The following FEZ2 variants were observed in gnomAD, a reference collection of about 807,000 sequenced individuals.
FEZ2 encodes fasciculation and elongation protein zeta 2.
In FEZ2, 51 loss-of-function variants were observed where a neutral mutation model predicts 40.4. The ratio of observed to expected loss-of-function variants is 1.26; its 90% CI spans 1.01 to 1.59. The LOEUF (loss-of-function observed/expected upper bound fraction) is 1.59. FEZ2 is among the 40% of genes most tolerant of loss of function. The pLI is 0.00. For synonymous variants in FEZ2, 242 were observed against 172.0 expected, an observed-to-expected ratio of 1.41 and a Z score of -3.18; for missense variants, 640 against 438.3, an observed-to-expected ratio of 1.46 and a Z score of -4.11.
At chr2:36,596,029 T>C (rs563642058) in intron 1 of FEZ2, among the ~76,000 whole-genome samples, 2 of 152,374 alleles carry the variant, frequency 1.3e-5, no homozygotes, top group South Asian at 2.1e-4. Context: ...GAATGTGTCC[T>C]GGGTTTAGTG....
rs542366721 is a variant in FEZ2, at chr2:36,573,287, AT to A, written c.903+5309del. 1.8e-4 allele frequency among the ~76,000 whole-genome samples: 27 copies of A among 152,340 alleles called. 1 individual carries two copies. In the South Asian group the frequency reaches 5.0e-3, roughly 28 times the overall value. ...TTCATACATATAAGTTTACTAAGTT[AT>A]GATGCTAAGCAGGTAGGCCATAATG... On this transcript the variant is annotated intron_variant, in intron 5 of 7. Transcript: ENST00000405912.
At chr2:36,555,819 C>T (rs1236679829) in intron 6 of FEZ2, 71 bp from the exon 7 acceptor site, 4 of 882,232 alleles carry the variant, frequency 4.5e-6, no homozygotes, top group Non-Finnish European at 7.0e-6. Flanking sequence ...TAATTTCAAT[C>T]ATTGTGGCCT....
intron 5 of FEZ2, among the ~76,000 whole-genome samples, chr2:36,563,447 T>C (rs1668145282): frequency 6.6e-6 from 1 of 151,286 alleles, no homozygotes; most frequent in Non-Finnish European, 1.5e-5. Context: ...ATGTGCAGCA[T>C]GTACAGTTCA....
chr2:36,560,979 T>C, intron 5 of FEZ2: 2 of 553,610 alleles, frequency 3.6e-6, no homozygotes, highest in Non-Finnish European at 6.4e-6. Flanking sequence ...AGTTAGAAAA[T>C]GCCACTACTC....
chr2:36,567,874 AG>A (rs1668292588), intron 5 of FEZ2, among the ~76,000 whole-genome samples: 1 of 152,230 alleles, frequency 6.6e-6, no homozygotes, highest in Non-Finnish European at 1.5e-5. Context: ...CAGTGAGACC[AG>A]GAAGAAACAG....
intron 2 of FEZ2, among the ~76,000 whole-genome samples, chr2:36,588,665 A>G (rs1668978634): frequency 6.6e-6 from 1 of 152,198 alleles, no homozygotes; most frequent in East Asian, 1.9e-4. Flanking sequence ...TAAATGGTTT[A>G]TAGTTATATT....
intron 5 of FEZ2, among the ~76,000 whole-genome samples, chr2:36,573,329 A>G (rs1037468772): frequency 5.3e-5 from 8 of 152,246 alleles, no homozygotes; most frequent in East Asian, 3.8e-4. Flanking sequence ...ACAACTGCAG[A>G]TAACACTAGA....
intron 1 of FEZ2, among the ~76,000 whole-genome samples, chr2:36,593,641 G>A (rs556873268): frequency 4.6e-5 from 7 of 152,134 alleles, no homozygotes; most frequent in South Asian, 4.1e-4. Context: ...TCCCTAGGCC[G>A]CATACAGCAG....
At chr2:36,586,175 G>C (rs1055572917) in intron 2 of FEZ2, among the ~76,000 whole-genome samples, 6 of 152,064 alleles carry the variant, frequency 3.9e-5, no homozygotes, top group African/African-American at 1.4e-4. Flanking sequence ...GATCACAAAG[G>C]CATGTCGATA....
intron 4 of FEZ2, among the ~76,000 whole-genome samples, chr2:36,580,774 C>A (rs1043474401): frequency 1.3e-5 from 2 of 152,134 alleles, no homozygotes; most frequent in East Asian, 3.8e-4. Flanking sequence ...CAGAATGTTA[C>A]AGTATATGGT....
At position 36,583,377 on chromosome 2, in the gene FEZ2, A is replaced by C. The variant is rs772834464; in HGVS notation, c.468T>G (p.Asp156Glu). 4 of 1,592,826 alleles carry C rather than the reference A, an allele frequency of 2.5e-6. No homozygotes were observed. Among genetic ancestry groups the C allele is most frequent in the East Asian group, 2.2e-5 (1 of 44,752 alleles). ...MHSIIVSCVN[D>E]EPLFTADQVI... ...CCTGGTCTGCCGTGAAGAGGGGTTC[A>C]TCATTAACACAGGAGACGATGATTG... Residue 156 changes from aspartate to glutamate, a missense_variant, in exon 3 of 8, where the codon GAT becomes GAG. Transcript: ENST00000405912.
At chr2:36,585,671 A>G (rs576640868) in intron 2 of FEZ2, among the ~76,000 whole-genome samples, 53 of 152,362 alleles carry the variant, frequency 3.5e-4, no homozygotes, top group African/African-American at 1.2e-3. Flanking sequence ...AGAAAAAGAG[A>G]AAATGTAAAC....
At chr2:36,560,865 G>C in intron 5 of FEZ2, 1 of 1,599,842 alleles carries the variant, frequency 6.3e-7, no homozygotes, top group Non-Finnish European at 8.6e-7. Flanking sequence ...ATGCTGAAGC[G>C]CTAAAGGCGG....
chr2:36,563,585 A>T (rs1445827011), intron 5 of FEZ2, among the ~76,000 whole-genome samples: 2 of 151,540 alleles, frequency 1.3e-5, no homozygotes, highest in East Asian at 1.9e-4. Flanking sequence ...CTTCAGTTGC[A>T]ATCAACTCCT....
chr2:36,560,191 A>AT (rs1668055998), intron 5 of FEZ2, among the ~76,000 whole-genome samples: 2 of 152,238 alleles, frequency 1.3e-5, no homozygotes, highest in Non-Finnish European at 2.9e-5. Flanking sequence ...TAAAAAGCAA[A>AT]TTGCTAGATA....
chr2:36,594,235 C>T (rs1449951635), intron 1 of FEZ2, among the ~76,000 whole-genome samples: 1 of 152,058 alleles, frequency 6.6e-6, no homozygotes, highest in African/African-American at 2.4e-5. Context: ...TCTTCTGAGC[C>T]CTTCAAACTA....
At chr2:36,553,317 T>C (rs1667869889) in intron 7 of FEZ2, 138 bp from the exon 8 acceptor site, 2 of 676,070 alleles carry the variant, frequency 3.0e-6, no homozygotes, top group African/African-American at 3.7e-5. Flanking sequence ...GTAGCAATTT[T>C]TTAAAGGTTT....
intron 5 of FEZ2, among the ~76,000 whole-genome samples, chr2:36,577,366 T>G (rs1227113205): frequency 6.6e-6 from 1 of 152,058 alleles, no homozygotes; most frequent in Non-Finnish European, 1.5e-5. Context: ...CAAGCAATTC[T>G]CCTGCCTCAG....
intron 5 of FEZ2, among the ~76,000 whole-genome samples, chr2:36,569,452 A>G (rs1441254148): frequency 1.3e-5 from 2 of 152,234 alleles, no homozygotes; most frequent in African/African-American, 2.4e-5. Flanking sequence ...ACTATCTATG[A>G]CTAAGCACAG....
Sources: allele counts gnomAD v4.1 joint callset (sites outside exome capture counted in the v4.1 genomes callset), GRCh38; gene constraint gnomAD v4.1.1; transcripts MANE v1.5; gene names NCBI Gene and HGNC (gene_info 2026-07-23, HGNC 2026-07-21).